The following PLCXD1 variants were observed in gnomAD, a reference collection of about 807,000 sequenced individuals.
PLCXD1 encodes the protein PI-PLC X domain-containing protein 1.
In PLCXD1, 45 loss-of-function variants were observed where a neutral mutation model predicts 37.8. The observed-to-expected ratio is 1.19, with a 90% CI of 0.94 to 1.53. The LOEUF is 1.53. Among genes scored for constraint, PLCXD1 ranks in the 40% most tolerant of loss-of-function variants. The pLI, the probability that PLCXD1 is intolerant of heterozygous loss-of-function variation, is 0.00. For missense variants in PLCXD1, 539 were observed against 454.7 expected (o/e 1.19, Z -1.69); for synonymous variants, 246 against 206.9 (o/e 1.19, Z -1.62).
At chrX:290,490 G>A (rs2069595280) in intron 3 of PLCXD1, among the ~76,000 whole-genome samples, 158 bp from the exon 4 acceptor site, 1 of 151,482 alleles carries the variant, frequency 6.6e-6, no homozygotes, top group Admixed American at 6.6e-5. Context: ...AGGTCCCCGT[G>A]GCTGCAGCGC....
chrX:286,583 A>C (rs1366096734), intron 2 of PLCXD1, among the ~76,000 whole-genome samples: 1 of 152,126 alleles, frequency 6.6e-6, no homozygotes, highest in Non-Finnish European at 1.5e-5. Flanking sequence ...AAAGGCTTAC[A>C]ACTCTGAGGG....
At chrX:284,426 C>T (rs2069379117) in intron 2 of PLCXD1, 112 bp downstream of exon 2, 13 of 1,226,814 alleles carry the variant, frequency 1.1e-5, no homozygotes, top group Non-Finnish European at 1.5e-5. Flanking sequence ...TAGGAGCAAT[C>T]CTGGGTGTAG....
rs981017186 is a variant in PLCXD1 at position 299,681 on chromosome X, C to T, written c.*346C>T. 4.3e-5 allele frequency: 17 copies of T among 394,586 alleles called. No individual in the cohort carries two copies. Among genetic ancestry groups the T allele is most frequent in the South Asian group, 2.1e-4 (7 of 33,362 alleles). 24.4% of individuals were successfully genotyped at this position (394,586 alleles called of 1,614,324 possible). A position where few individuals can be genotyped will look rare whatever the true frequency, so the allele number is the denominator to read the frequency against. On this transcript the variant is annotated 3_prime_UTR_variant, in exon 7 of 7. Transcript: ENST00000381657. ...CTCAGGCAGGAGAACTGCTTGAAGC[C>T]GGGAGATGGAGGTTGCATTGAGCTG...
upstream of PLCXD1, among the ~76,000 whole-genome samples, chrX:280,006 G>A (rs973247687): frequency 2.6e-5 from 4 of 152,032 alleles, no homozygotes; most frequent in African/African-American, 7.2e-5. Flanking sequence ...GCGCCAGCAC[G>A]GCTAAATGAT....
At chrX:289,435 C>T (rs931700438) in intron 3 of PLCXD1, among the ~76,000 whole-genome samples, 1 of 151,754 alleles carries the variant, frequency 6.6e-6, no homozygotes, top group Admixed American at 6.6e-5. Context: ...CATCGCAGGC[C>T]TCCACTGAGA....
rs145540492 is a variant in PLCXD1 at position 293,111 on chromosome X, G to A, written c.626G>A (p.Arg209His). Residue 209 changes from arginine (R) to histidine (H), a missense_variant, in exon 6 of 7, where the codon CGC (arginine) becomes CAC (histidine). Coordinates refer to ENST00000381657, the MANE Select transcript of PLCXD1 (RefSeq NM_018390.4). ...IVSYEDESSLRRHHELWPGVP... is the reference protein window; with the variant it reads ...IVSYEDESSLHRHHELWPGVP... ...TCCTATGAAGACGAGAGCTCCTTGC[G>A]CCGGCACCACGAGCTGTGGCCAGGA... 3.3e-5 allele frequency: 53 copies of A among 1,612,108 alleles called. No individual in the cohort carries two copies. The South Asian group carries it at 4.3e-4, about 13-fold the overall frequency.
chrX:289,580 C>T (rs28413578), intron 3 of PLCXD1, among the ~76,000 whole-genome samples: 3,768 of 146,398 alleles, frequency 0.026, 164 homozygotes, highest in African/African-American at 0.09. Flanking sequence ...GGTGCCATCT[C>T]GGCTCACTGC....
intron 2 of PLCXD1, among the ~76,000 whole-genome samples, chrX:285,928 C>T (rs1832748294): frequency 6.6e-6 from 1 of 152,130 alleles, no homozygotes; most frequent in Admixed American, 6.6e-5. Flanking sequence ...AAAGAAAGTG[C>T]ACATCAGGAG....
chrX:285,166 A>T (rs1258851663), intron 2 of PLCXD1, among the ~76,000 whole-genome samples: 1 of 145,386 alleles, frequency 6.9e-6, no homozygotes, highest in Non-Finnish European at 1.5e-5. Flanking sequence ...ATCCCCACAC[A>T]TATGCACATG....
In PLCXD1 at chrX:290,717, G is replaced by A; in HGVS notation, c.334G>A (p.Glu112Lys). 3 of 1,613,836 alleles carry A rather than the reference G, an allele frequency of 1.9e-6. No individual in the cohort carries two copies. Among genetic ancestry groups the A allele is most frequent in the Non-Finnish European group, 2.5e-6 (3 of 1,179,790 alleles). ...YLDLRIAHMLEGSEKNLHFVH... is the reference protein window; with the variant it reads ...YLDLRIAHMLKGSEKNLHFVH... Reference sequence around the variant, plus strand: ...GGACCTGCGGATAGCCCACATGCTGGAGGGCTCGGAGAAGAACCTGCACTT... The same window carrying A: ...GGACCTGCGGATAGCCCACATGCTGAAGGGCTCGGAGAAGAACCTGCACTT... The change falls in exon 4 of 7, where the codon GAG becomes AAG. Residue 112 changes from glutamate to lysine, a missense_variant. Glu to Lys is a moderately conservative substitution (Grantham distance 56). Transcript: ENST00000381657.
Position 299,664 on chromosome X carries a change from G to A in PLCXD1, c.*329G>A. On this transcript the variant is annotated 3_prime_UTR_variant, in exon 7 of 7. Coordinates refer to ENST00000381657, the MANE Select transcript of PLCXD1 (RefSeq NM_018390.4). The stretch of plus-strand genomic sequence containing the variant: ...CCCAGTTACTCGGGAGGCTCAGGCA[G>A]GAGAACTGCTTGAAGCCGGGAGATG... The A allele has an allele frequency of 2.2e-6, 1 of 447,692 alleles. No individual in the cohort carries two copies. Among genetic ancestry groups the A allele is most frequent in the Non-Finnish European group, 4.1e-6 (1 of 246,812 alleles). The allele number at this position is 447,692 out of a possible 1,614,324, so 27.7% of individuals were successfully genotyped here.
chrX:291,783 G>T, intron 5 of PLCXD1, 129 bp downstream of exon 5: 8 of 1,027,160 alleles, frequency 7.8e-6, no homozygotes, highest in Non-Finnish European at 1.2e-5. Flanking sequence ...GTCGAACGGG[G>T]GCTGCCTGCT....
intron 6 of PLCXD1, among the ~76,000 whole-genome samples, chrX:294,344 T>C (rs1029601294): frequency 6.6e-5 from 10 of 151,742 alleles, no homozygotes; most frequent in South Asian, 2.1e-4. Context: ...TAGCCGGGCG[T>C]GGTGGCGGGC....
At position 299,230 on chromosome X, in the gene PLCXD1, G is replaced by A. The variant is rs200743252; in HGVS notation, c.867G>A (p.Pro289=). 104 of 1,613,744 alleles carry A rather than the reference G, an allele frequency of 6.4e-5. No homozygotes were observed. The highest frequency in any genetic ancestry group is 1.7e-4 in the Admixed American group (10 of 59,980). ...GCGCGTGGGTCCGAGAGCAGTGCCCGGGGCCGGGTTCACGGTGCACCAACA... is the reference window on the plus strand; with the variant it reads ...GCGCGTGGGTCCGAGAGCAGTGCCCAGGGCCGGGTTCACGGTGCACCAACA... The part of the protein sequence containing the change: ...RLSAWVREQC[P]GPGSRCTNII... The change falls in exon 7 of 7, where the codon CCG becomes CCA. Residue 289 remains proline, a synonymous_variant. Coordinates refer to ENST00000381657, the MANE Select transcript of PLCXD1 (RefSeq NM_018390.4).
chrX:283,001 A>G (rs1209650808), intron 1 of PLCXD1, among the ~76,000 whole-genome samples: 4 of 146,600 alleles, frequency 2.7e-5, no homozygotes, highest in Non-Finnish European at 4.5e-5. Context: ...ATATGTATAT[A>G]TTATATATGT....
At chrX:284,826 G>A (rs1016142712) in intron 2 of PLCXD1, among the ~76,000 whole-genome samples, 2 of 152,210 alleles carry the variant, frequency 1.3e-5, no homozygotes, top group East Asian at 1.9e-4. Context: ...AGGTGAATGC[G>A]GAGCAAAGTC....
chrX:288,641 A>C lies in PLCXD1; in HGVS notation c.128-92A>C. On this transcript the variant is annotated intron_variant, in intron 2 of 6. Coordinates refer to ENST00000381657, the MANE Select transcript of PLCXD1 (RefSeq NM_018390.4). ...TGTGCCTGTGCTGTGGGCGGGCAGC[A>C]GCCTGTGCTGTAGGCGGGCTGTGGA... 2.2e-6 allele frequency: 3 copies of C among 1,387,990 alleles called. 1 individual carries two copies. Among genetic ancestry groups the C allele is most frequent in the Non-Finnish European group, 3.1e-6 (3 of 977,264 alleles). 86.0% of individuals were successfully genotyped at this position (1,387,990 alleles called of 1,614,324 possible). A position where few individuals can be genotyped will look rare whatever the true frequency, so the allele number is the denominator to read the frequency against.
At chrX:290,238 T>C (rs146966768) in intron 3 of PLCXD1, among the ~76,000 whole-genome samples, 6,942 of 151,998 alleles carry the variant, frequency 0.046, 479 homozygotes, top group African/African-American at 0.15. Context: ...CCGTCCTGGC[T>C]AACATGTTGA....
At chrX:291,747 C>T (rs969931679) in intron 5 of PLCXD1, 93 bp downstream of exon 5, 118 of 1,356,776 alleles carry the variant, frequency 8.7e-5, no homozygotes, top group Middle Eastern at 7.6e-4. Context: ...GTGGGTGCTG[C>T]CATGATTCCT....
Sources: allele counts gnomAD v4.1 joint callset (sites outside exome capture counted in the v4.1 genomes callset), GRCh38; gene constraint gnomAD v4.1.1; transcripts MANE v1.5; gene names NCBI Gene and HGNC (gene_info 2026-07-23, HGNC 2026-07-21).